Variants in ZFAND3 observed in about 807,000 individuals in gnomAD.
ZFAND3 encodes the protein zinc finger AN1-type containing 3.
A neutral mutation model predicts 29.6 loss-of-function variants in ZFAND3; 10 were observed. The observed-to-expected ratio is 0.34, with a 90% CI of 0.21 to 0.57. The LOEUF is 0.57. Among genes scored for constraint, ZFAND3 ranks in the 20% least tolerant of loss-of-function variants. ZFAND3 has a pLI of 0.86. For missense variants in ZFAND3, 230 were observed against 304.5 expected, an observed-to-expected ratio of 0.76 and a Z score of 1.82; for synonymous variants, 128 against 112.6, an observed-to-expected ratio of 1.14 and a Z score of -0.87.
intron 2 of ZFAND3, among the ~76,000 whole-genome samples, chr6:37,977,926 G>A (rs201999435): frequency 1.7e-4 from 18 of 106,968 alleles, no homozygotes; most frequent in Non-Finnish European, 2.5e-4. Flanking sequence ...CCTTTCTTCC[G>A]TTCTTCCTTT....
intron 2 of ZFAND3, among the ~76,000 whole-genome samples, chr6:37,977,564 A>G (rs1320623857): frequency 6.6e-6 from 1 of 152,032 alleles, no homozygotes; most frequent in Non-Finnish European, 1.5e-5. Flanking sequence ...CAGCCTCCCA[A>G]AGTGCTGGGA....
In ZFAND3 at chr6:38,013,271, G is replaced by A. The variant is rs533245274; in HGVS notation, c.113-48322G>A. On this transcript the variant is annotated intron_variant, in intron 2 of 5. Transcript: ENST00000287218. ...ATTTTTGTGGCACAGACTTCTTGCT[G>A]ATGTTGTTTACCAGAGTGTCCTTTG... is the stretch of plus-strand genomic sequence containing the variant. 4.6e-5 allele frequency among the ~76,000 whole-genome samples: 7 copies of A among 152,310 alleles called. No individual in the cohort carries two copies. The South Asian group carries it at 1.2e-3, about 27-fold the overall frequency.
chr6:38,040,447 G>A (rs1561976105), intron 2 of ZFAND3, among the ~76,000 whole-genome samples: 2 of 152,002 alleles, frequency 1.3e-5, no homozygotes, highest in East Asian at 3.8e-4. Context: ...ACATCCTGTT[G>A]TATGTATATA....
chr6:38,131,781 T>G (rs1765747379), intron 5 of ZFAND3, among the ~76,000 whole-genome samples: 1 of 152,192 alleles, frequency 6.6e-6, no homozygotes, highest in Admixed American at 6.5e-5. Flanking sequence ...TGGTGACTAA[T>G]AATGTACAAG....
At chr6:37,877,798 A>T (rs572012810) in intron 1 of ZFAND3, among the ~76,000 whole-genome samples, 1 of 152,226 alleles carries the variant, frequency 6.6e-6, no homozygotes, top group East Asian at 1.9e-4. Context: ...TTGAGAGGAG[A>T]TGCGGAGAGA....
intron 2 of ZFAND3, among the ~76,000 whole-genome samples, chr6:37,933,860 T>C (rs1403410835): frequency 6.6e-6 from 1 of 151,844 alleles, no homozygotes; most frequent in South Asian, 2.1e-4. Flanking sequence ...CATTTAAGAC[T>C]GTTTAAAGGA....
intron 1 of ZFAND3, among the ~76,000 whole-genome samples, chr6:37,869,684 T>A (rs7742379): frequency 0.13 from 19,972 of 150,294 alleles, 2,069 homozygotes; most frequent in African/African-American, 0.29. Flanking sequence ...ATTAAAAAAA[T>A]TTTTTTTTGT....
intron 2 of ZFAND3, among the ~76,000 whole-genome samples, chr6:38,056,618 GTGCT>G (rs1245987031): frequency 3.9e-5 from 6 of 152,194 alleles, no homozygotes; most frequent in Admixed American, 6.5e-5. Context: ...TGCTTTCACA[GTGCT>G]CCCAGTATTT....
intron 2 of ZFAND3, among the ~76,000 whole-genome samples, chr6:37,963,650 G>C (rs1762239610): frequency 6.6e-6 from 1 of 151,472 alleles, no homozygotes; most frequent in African/African-American, 2.4e-5. Context: ...CTTCCATCCT[G>C]CTTCACCAGC....
At chr6:37,869,023 G>A (rs1764642181) in intron 1 of ZFAND3, among the ~76,000 whole-genome samples, 1 of 152,138 alleles carries the variant, frequency 6.6e-6, no homozygotes, top group Non-Finnish European at 1.5e-5. Context: ...GGATTTTTTA[G>A]TCTATAGTAT....
intron 1 of ZFAND3, among the ~76,000 whole-genome samples, chr6:37,874,345 G>T (rs182179820): frequency 6.6e-6 from 1 of 151,976 alleles, no homozygotes; most frequent in Non-Finnish European, 1.5e-5. Flanking sequence ...GAGAAACCTC[G>T]CGTCTATTAA....
intron 4 of ZFAND3, among the ~76,000 whole-genome samples, chr6:38,091,577 T>C (rs1764871801): frequency 6.7e-6 from 1 of 148,460 alleles, no homozygotes; most frequent in South Asian, 2.1e-4. Flanking sequence ...GAAGGCAGCA[T>C]GTTAGAAACG....
intron 2 of ZFAND3, among the ~76,000 whole-genome samples, chr6:37,961,710 T>G (rs775188492): frequency 2.6e-5 from 4 of 151,920 alleles, no homozygotes; most frequent in Non-Finnish European, 4.4e-5. Flanking sequence ...AAAACAAGAG[T>G]CTTTTTCTAG....
chr6:37,941,538 ATCTT>A (rs1761810879), intron 2 of ZFAND3, among the ~76,000 whole-genome samples: 2 of 152,134 alleles, frequency 1.3e-5, no homozygotes. Flanking sequence ...ATTTCTTAAC[ATCTT>A]TCTTGTTCTT....
At chr6:37,824,114 T>C (rs1443205466) in intron 1 of ZFAND3, among the ~76,000 whole-genome samples, 1 of 152,198 alleles carries the variant, frequency 6.6e-6, no homozygotes, top group Non-Finnish European at 1.5e-5. Flanking sequence ...TTAAAACAAA[T>C]TTTTCTTGGA....
chr6:37,828,836 G>C (rs1763806714), intron 1 of ZFAND3, among the ~76,000 whole-genome samples: 1 of 152,052 alleles, frequency 6.6e-6, no homozygotes, highest in African/African-American at 2.4e-5. Flanking sequence ...ATTTTTAGTA[G>C]AGACGGGGTT....
chr6:38,144,211 A>ATATAATATATTATATATAT (rs70981524), intron 5 of ZFAND3, among the ~76,000 whole-genome samples: 2 of 45,880 alleles, frequency 4.4e-5, no homozygotes, highest in African/African-American at 2.5e-4. Context: ...ATATATATAT[A>ATATAATATATTATATATAT]ATATATAATA....
At chr6:38,093,076 G>A (rs745825983) in intron 4 of ZFAND3, among the ~76,000 whole-genome samples, 33 of 152,140 alleles carry the variant, frequency 2.2e-4, no homozygotes, top group Non-Finnish European at 4.1e-4. Context: ...GTTATAGGAG[G>A]ATCCTTCAGT....
At chr6:38,144,204 T>TATATATATATA (rs1554183983) in intron 5 of ZFAND3, among the ~76,000 whole-genome samples, 6 of 47,050 alleles carry the variant, frequency 1.3e-4, no homozygotes, top group Non-Finnish European at 2.2e-4. Context: ...TATATATATA[T>TATATATATATA]ATATATAATA....
Sources: gnomAD v4.1 joint callset for allele counts (sites outside exome capture counted in the v4.1 genomes callset) on GRCh38, gnomAD v4.1.1 for gene constraint, MANE v1.5 for transcripts, NCBI Gene and HGNC (gene_info 2026-07-23, HGNC 2026-07-21) for gene names.